Variants in FOXP2 observed in about 807,000 individuals in gnomAD.
The protein encoded by FOXP2 is forkhead box protein P2.
A neutral mutation model predicts 115.8 loss-of-function variants in FOXP2; 12 were observed. That is an observed-to-expected ratio of 0.10 (90% CI 0.07 to 0.17). The LOEUF is 0.17. FOXP2 is among the 10% of genes least tolerant of loss of function. FOXP2 has a pLI of 1.00. For missense variants in FOXP2, 629 were observed against 843.5 expected, an observed-to-expected ratio of 0.75 and a Z score of 3.15; for synonymous variants, 328 against 297.7, an observed-to-expected ratio of 1.10 and a Z score of -1.05.
In FOXP2 at chr7:114,183,264, C is replaced by T. The variant is rs1045581050; in HGVS notation, c.-102+20176C>T. Among the ~76,000 whole-genome samples, 6 of 152,246 alleles carry T rather than the reference C, an allele frequency of 3.9e-5. No homozygotes were observed. In the South Asian group the frequency reaches 1.2e-3, roughly 32 times the overall value. On this transcript the variant is annotated intron_variant, in intron 1 of 17. Coordinates refer to the FOXP2 transcript ENST00000634411. ...ATAATCAGATGACATTCTTATTTCT[C>T]TTTTGCTGCCTCTTGTTCTTTAATA...
intron 1 of FOXP2, among the ~76,000 whole-genome samples, chr7:114,120,692 A>ATG (rs1304768794): frequency 2.1e-5 from 3 of 144,808 alleles, no homozygotes; most frequent in East Asian, 4.5e-4. Context: ...GTGTGTGTGT[A>ATG]TATGTATGTG....
At chr7:114,380,949 GA>G (rs1416844286) in intron 2 of FOXP2, among the ~76,000 whole-genome samples, 1 of 152,212 alleles carries the variant, frequency 6.6e-6, no homozygotes, top group Non-Finnish European at 1.5e-5. Flanking sequence ...GACATATAAA[GA>G]AAAGTCTTGC....
chr7:114,389,643 G>T (rs978496167), intron 2 of FOXP2, among the ~76,000 whole-genome samples: 3 of 152,272 alleles, frequency 2.0e-5, no homozygotes, highest in Non-Finnish European at 4.4e-5. Flanking sequence ...GGATGAAGAT[G>T]ATTTTGGTTA....
intron 3 of FOXP2, among the ~76,000 whole-genome samples, chr7:114,604,527 A>G (rs10239870): frequency 6.6e-6 from 1 of 152,104 alleles, no homozygotes; most frequent in Non-Finnish European, 1.5e-5. Context: ...TTCTAATAGA[A>G]ACTAATAAAT....
intron 2 of FOXP2, among the ~76,000 whole-genome samples, chr7:114,341,162 T>A (rs4117983): frequency 0.4 from 60,578 of 150,856 alleles, 13,898 homozygotes; most frequent in South Asian, 0.51. Flanking sequence ...TTTCTTCTTC[T>A]TAAAATCAAG....
At chr7:114,146,120 A>G (rs1244155009) in intron 1 of FOXP2, among the ~76,000 whole-genome samples, 3 of 152,258 alleles carry the variant, frequency 2.0e-5, no homozygotes, top group East Asian at 3.9e-4. Context: ...TCAGAAACCA[A>G]CTCAGCCCTC....
At chr7:114,162,383 C>T (rs867002932), upstream of FOXP2, among the ~76,000 whole-genome samples, 1 of 152,130 alleles carries the variant, frequency 6.6e-6, no homozygotes, top group African/African-American at 2.4e-5. Context: ...GTTTCCCAAC[C>T]TTTGTACCAT....
chr7:114,339,436 A>G lies in FOXP2; in HGVS notation c.-11+51327A>G, dbSNP rs145012898. ...TGCTTTTTGTGAACTTTTTTTTAGA[A>G]GTTCGACAGATGATAACATAAGGAA... On this transcript the variant is annotated intron_variant, in intron 2 of 17. Coordinates refer to the FOXP2 transcript ENST00000634411. 3.7e-3 allele frequency among the ~76,000 whole-genome samples: 563 copies of G among 151,252 alleles called. 6 individuals are homozygous for G. The highest frequency in any genetic ancestry group is 4.4e-3 in the East Asian group (23 of 5,176).
intron 3 of FOXP2, among the ~76,000 whole-genome samples, chr7:114,571,050 G>C (rs1801275682): frequency 6.6e-6 from 1 of 151,868 alleles, no homozygotes; most frequent in Non-Finnish European, 1.5e-5. Flanking sequence ...ATTTTCTCTT[G>C]CTTCTTTTGT....
intron 1 of FOXP2, among the ~76,000 whole-genome samples, chr7:114,153,087 G>A (rs1348238377): frequency 4.6e-5 from 7 of 152,166 alleles, no homozygotes; most frequent in Non-Finnish European, 8.8e-5. Context: ...AGTAATGTAA[G>A]TAGAGTTTGC....
rs531243114 is a variant in FOXP2, at chr7:114,682,535, A to G, written c.2004-7247A>G. On this transcript the variant is annotated intron_variant, in intron 16 of 16. Coordinates refer to ENST00000350908, the MANE Select transcript of FOXP2 (RefSeq NM_014491.4). ...GAAAGAAGCATTTTTGTAGAAGAAA[A>G]CCTAATTATCCTATGGTAGTGTAAC... 7.6e-4 allele frequency among the ~76,000 whole-genome samples: 116 copies of G among 152,248 alleles called. 1 individual carries two copies. The highest frequency in any genetic ancestry group is 4.3e-3 in the Admixed American group (66 of 15,282).
intron 3 of FOXP2, among the ~76,000 whole-genome samples, chr7:114,566,251 A>G (rs1801013385): frequency 1.3e-5 from 2 of 152,172 alleles, no homozygotes; most frequent in Admixed American, 6.5e-5. Context: ...CTAGCTGAAC[A>G]TTGATGTTTT....
intron 1 of FOXP2, among the ~76,000 whole-genome samples, chr7:114,148,909 T>C (rs1396607381): frequency 2.0e-5 from 3 of 152,170 alleles, no homozygotes; most frequent in South Asian, 2.1e-4. Context: ...TATTCATCCA[T>C]ATGCCTGTAG....
rs762605447 is a variant in FOXP2, at chr7:114,693,185, G to T, written c.*3259G>T. 2.4e-5 allele frequency: 11 copies of T among 453,272 alleles called. No individual in the cohort carries two copies. Among genetic ancestry groups the T allele is most frequent in the South Asian group, 1.7e-4 (11 of 64,324 alleles). The allele number at this position is 453,272 out of a possible 1,614,324, so 28.1% of individuals were successfully genotyped here. A position where few individuals can be genotyped will look rare whatever the true frequency, so the allele number is the denominator to read the frequency against. The stretch of plus-strand genomic sequence containing the variant: ...TTTTATGTGAATGTTACAAGTATTT[G>T]GTAGAATTACCACTAACTGGGTTTT... On this transcript the variant is annotated 3_prime_UTR_variant, in exon 17 of 17. Coordinates refer to ENST00000350908, the MANE Select transcript of FOXP2 (RefSeq NM_014491.4).
At chr7:114,351,467 C>A (rs1017722814) in intron 2 of FOXP2, among the ~76,000 whole-genome samples, 2 of 151,986 alleles carry the variant, frequency 1.3e-5, no homozygotes, top group African/African-American at 4.8e-5. Flanking sequence ...GCTTTATAAT[C>A]CAAAGAAAAC....
intron 4 of FOXP2, chr7:114,629,585 T>G (rs1804777271): frequency 6.5e-7 from 1 of 1,542,978 alleles, no homozygotes; most frequent in Non-Finnish European, 8.7e-7. Flanking sequence ...TATACCCTTT[T>G]GTTTAGGATT....
intron 2 of FOXP2, among the ~76,000 whole-genome samples, chr7:114,349,515 G>A (rs963988208): frequency 7.2e-5 from 11 of 152,088 alleles, no homozygotes; most frequent in African/African-American, 2.2e-4. Context: ...TCATTTATTC[G>A]ATATTTCTAT....
chr7:114,214,685 A>C (rs1794444769), intron 1 of FOXP2, among the ~76,000 whole-genome samples: 1 of 152,128 alleles, frequency 6.6e-6, no homozygotes, highest in Non-Finnish European at 1.5e-5. Flanking sequence ...GTCGTTGCTC[A>C]GTCACTGCCT....
rs143689278 is a variant in FOXP2 at position 114,603,987 on chromosome 7, A to T, written c.259-24553A>T. 9.7e-4 allele frequency among the ~76,000 whole-genome samples: 147 copies of T among 152,292 alleles called. 1 individual carries two copies. The highest frequency in any genetic ancestry group is 3.2e-3 in the African/African-American group (133 of 41,564). On this transcript the variant is annotated intron_variant, in intron 3 of 16. Coordinates refer to ENST00000350908, the MANE Select transcript of FOXP2 (RefSeq NM_014491.4). ...CCAGAGATTCAAGGATACTTTCAATATGTTGCCTGATTTCAACTATATGAC... is the reference window on the plus strand; with the variant it reads ...CCAGAGATTCAAGGATACTTTCAATTTGTTGCCTGATTTCAACTATATGAC...
Sources: gnomAD v4.1 joint callset for allele counts (sites outside exome capture counted in the v4.1 genomes callset) on GRCh38, gnomAD v4.1.1 for gene constraint, MANE v1.5 for transcripts, NCBI Gene and HGNC (gene_info 2026-07-23, HGNC 2026-07-21) for gene names.